The following DHRS7C variants were observed in gnomAD, a reference collection of about 807,000 sequenced individuals.
DHRS7C encodes dehydrogenase/reductase 7C, also known as dehydrogenase/reductase SDR family member 7C.
A neutral mutation model predicts 29.6 loss-of-function variants in DHRS7C; 28 were observed. The observed-to-expected ratio is 0.95, with a 90% CI of 0.70 to 1.30. The LOEUF (loss-of-function observed/expected upper bound fraction) is 1.30, where lower values mean the gene tolerates loss of function less well. DHRS7C is among the 50% of genes most tolerant of loss of function. The pLI is 0.00. For synonymous variants in DHRS7C, 158 were observed against 160.2 expected (o/e 0.99, Z 0.10); for missense variants, 403 against 393.3 (o/e 1.02, Z -0.21).
intron 4 of DHRS7C, among the ~76,000 whole-genome samples, chr17:9,773,654 C>T (rs971539015): frequency 6.6e-6 from 1 of 151,512 alleles, no homozygotes; most frequent in East Asian, 1.9e-4. Flanking sequence ...ATGCCTTCAA[C>T]CAGAACCCTT....
chr17:9,772,716 C>T (rs1405236520), intron 5 of DHRS7C, 51 bp downstream of exon 5: 3 of 1,597,792 alleles, frequency 1.9e-6, no homozygotes, highest in South Asian at 1.1e-5. Context: ...CCAGTGACAC[C>T]GGACTGTTCC....
intron 4 of DHRS7C, among the ~76,000 whole-genome samples, chr17:9,776,787 A>G (rs1159835919): frequency 6.6e-6 from 1 of 151,892 alleles, no homozygotes; most frequent in Admixed American, 6.6e-5. Context: ...CCATTTTGTG[A>G]TGTGCACCCA....
chr17:9,783,372 T>C (rs571026906), intron 1 of DHRS7C, among the ~76,000 whole-genome samples: 3 of 152,290 alleles, frequency 2.0e-5, no homozygotes, highest in South Asian at 4.1e-4. Context: ...AGATGTCAAT[T>C]TGTCTCCAAG....
At chr17:9,777,073 TG>T (rs2152015805) in intron 4 of DHRS7C, 119 bp downstream of exon 4, 1 of 772,966 alleles carries the variant, frequency 1.3e-6, no homozygotes, top group South Asian at 2.4e-5. Context: ...ATCCAGCAGA[TG>T]GTGTCATCCT....
chr17:9,790,163 A>G (rs1269313533), intron 1 of DHRS7C, among the ~76,000 whole-genome samples: 1 of 152,116 alleles, frequency 6.6e-6, no homozygotes. Flanking sequence ...TATGAGAGTA[A>G]GTGCCCAGCC....
chr17:9,788,867 C>T (rs1342194916), intron 1 of DHRS7C, among the ~76,000 whole-genome samples: 4 of 152,054 alleles, frequency 2.6e-5, no homozygotes, highest in East Asian at 1.9e-4. Context: ...TGCTAAGTAC[C>T]GGGACTTTAT....
chr17:9,786,368 T>A (rs7214053), intron 1 of DHRS7C, among the ~76,000 whole-genome samples: 3,229 of 106,016 alleles, frequency 0.03, 72 homozygotes, highest in Non-Finnish European at 0.05. Flanking sequence ...TAATAATAAT[T>A]AATCAGAAAA....
In DHRS7C at chr17:9,786,366, A is replaced by ATAT. The variant is rs879576938; in HGVS notation, c.154+4764_154+4765insATA. Among the ~76,000 whole-genome samples the ATAT allele has an allele frequency of 3.8e-3, 446 of 118,844 alleles. 3 individuals carry two copies. Among genetic ancestry groups the ATAT allele is most frequent in the Non-Finnish European group, 4.7e-3 (222 of 47,676 alleles). The allele number at this position is 118,844 out of a possible 152,430, so 78.0% of individuals were successfully genotyped here. ...AATAATAATAATAATAATAATAATA[A>ATAT]TTAATCAGAAAAGTCAGGAACCGCC... is the stretch of plus-strand genomic sequence containing the variant. On this transcript the variant is annotated intron_variant, in intron 1 of 5. Transcript: ENST00000571134.
intron 1 of DHRS7C, among the ~76,000 whole-genome samples, chr17:9,788,206 A>G (rs1191636294): frequency 6.6e-6 from 1 of 152,028 alleles, no homozygotes; most frequent in Non-Finnish European, 1.5e-5. Context: ...TTTAAAATAA[A>G]TAAATAAATT....
At chr17:9,788,367 C>T (rs1482619696) in intron 1 of DHRS7C, among the ~76,000 whole-genome samples, 1 of 152,022 alleles carries the variant, frequency 6.6e-6, no homozygotes, top group African/African-American at 2.4e-5. Context: ...CCCCCACCCC[C>T]AGCTAATTTT....
chr17:9,784,848 C>G (rs1385858960), intron 1 of DHRS7C, among the ~76,000 whole-genome samples: 1 of 152,166 alleles, frequency 6.6e-6, no homozygotes, highest in East Asian at 1.9e-4. Flanking sequence ...AATTTTGAAG[C>G]CCTAACAACT....
chr17:9,771,837 C>T (rs548685395), intron 5 of DHRS7C, 141 bp from the exon 6 acceptor site: 3 of 805,328 alleles, frequency 3.7e-6, no homozygotes, highest in South Asian at 8.7e-5. Flanking sequence ...CTCCGCCACC[C>T]GCGGACCGCG....
At chr17:9,781,814 G>A (rs1030072869) in intron 1 of DHRS7C, among the ~76,000 whole-genome samples, 1 of 152,194 alleles carries the variant, frequency 6.6e-6, no homozygotes, top group Non-Finnish European at 1.5e-5. Flanking sequence ...ATAGTGGAGT[G>A]AGACAACTCC....
At chr17:9,772,978 G>A (rs1255788951) in intron 4 of DHRS7C, 56 bp from the exon 5 acceptor site, 2 of 1,595,506 alleles carry the variant, frequency 1.3e-6, no homozygotes, top group African/African-American at 2.7e-5. Flanking sequence ...CTGCTTCCTG[G>A]TGGGCGCATT....
chr17:9,791,304 G>A lies in DHRS7C; in HGVS notation c.-20C>T, dbSNP rs777545444. ...TCCCATCTTGTTCTGGGGGACAACG[G>A]AGTAAAAGGGGATTGGCTTTGCAAA... On this transcript the variant is annotated 5_prime_UTR_variant, in exon 1 of 6. Coordinates refer to ENST00000571134, the MANE Select transcript of DHRS7C (RefSeq NM_001105571.3). 6.2e-7 allele frequency: 1 copy of A among 1,612,188 alleles called. No individual in the cohort carries two copies. Among genetic ancestry groups the A allele is most frequent in the Non-Finnish European group, 8.5e-7 (1 of 1,179,208 alleles).
rs2066455256 is a variant in DHRS7C at position 9,791,489 on chromosome 17, C to T, written c.-205G>A. On this transcript the variant is annotated 5_prime_UTR_variant, in exon 1 of 6. Transcript: ENST00000571134. Reference sequence around the variant, plus strand: ...AGTGTCTCCGAAAGCAGACCGAATCCAGGGGGCCTGCCCTCCCCAGTGGTT... The same window carrying T: ...AGTGTCTCCGAAAGCAGACCGAATCTAGGGGGCCTGCCCTCCCCAGTGGTT... Among the ~76,000 whole-genome samples, 1 of 152,236 alleles carries T rather than the reference C, an allele frequency of 6.6e-6. No individual in the cohort carries two copies. The highest frequency in any genetic ancestry group is 2.4e-5 in the African/African-American group (1 of 41,456).
intron 1 of DHRS7C, among the ~76,000 whole-genome samples, chr17:9,786,249 C>T (rs953398818): frequency 1.3e-5 from 2 of 151,634 alleles, no homozygotes; most frequent in Non-Finnish European, 2.9e-5. Context: ...ATCGCTTGAA[C>T]CCGGGAGGCT....
At chr17:9,779,560 G>A (rs2152016542) in intron 3 of DHRS7C, among the ~76,000 whole-genome samples, 1 of 152,302 alleles carries the variant, frequency 6.6e-6, no homozygotes, top group East Asian at 1.9e-4. Context: ...TGTAAGGAGA[G>A]AGAAGTAAAA....
rs1407566862 is a variant in DHRS7C, at chr17:9,775,566, C to T, written c.571+1627G>A. On this transcript the variant is annotated intron_variant, in intron 4 of 5. Transcript: ENST00000571134. The surrounding 1 kb of genome is among the most constrained non-coding windows in gnomAD (Gnocchi z 4.2). ...TGTTGATGGAATGACTTAGCATGACCCTGGGCCCCTCAGTGACCCTGTGGC... is the reference window on the plus strand; with the variant it reads ...TGTTGATGGAATGACTTAGCATGACTCTGGGCCCCTCAGTGACCCTGTGGC... Among the ~76,000 whole-genome samples the T allele has an allele frequency of 6.6e-6, 1 of 152,152 alleles. No individual in the cohort carries two copies. The highest frequency in any genetic ancestry group is 1.5e-5 in the Non-Finnish European group (1 of 68,034).
Sources: allele counts gnomAD v4.1 joint callset (sites outside exome capture counted in the v4.1 genomes callset), GRCh38; gene constraint gnomAD v4.1.1; non-coding constraint Gnocchi (gnomAD v3.1); transcripts MANE v1.5; gene names NCBI Gene and HGNC (gene_info 2026-07-23, HGNC 2026-07-21).